Variants in NT5C3B observed in about 807,000 individuals in gnomAD.
The protein encoded by NT5C3B is 7-methylguanosine phosphate-specific 5'-nucleotidase.
In NT5C3B, 28 loss-of-function variants were observed where a neutral mutation model predicts 32.5. The ratio of observed to expected loss-of-function variants is 0.86; its 90% confidence interval spans 0.64 to 1.18. The LOEUF is 1.18. NT5C3B is among the 50% of genes most tolerant of loss of function. The pLI is 0.00. For synonymous variants in NT5C3B, 138 were observed against 118.0 expected, an observed-to-expected ratio of 1.17 and a Z score of -1.10; for missense variants, 317 against 322.0, an observed-to-expected ratio of 0.98 and a Z score of 0.12.
chr17:41,826,957 G>A (rs996328845), intron 8 of NT5C3B, among the ~76,000 whole-genome samples: 8 of 148,440 alleles, frequency 5.4e-5, no homozygotes, highest in Non-Finnish European at 1.2e-4. Context: ...CCAAGATGGC[G>A]CCACTGCACT....
intron 4 of NT5C3B, 78 bp downstream of exon 4, chr17:41,834,992 G>C: frequency 1.4e-6 from 2 of 1,391,392 alleles, no homozygotes; most frequent in Non-Finnish European, 2.0e-6. Context: ...CTCTATACTG[G>C]AATCTTTGGT....
In NT5C3B at chr17:41,830,874, T is replaced by C; in HGVS notation, c.331A>G (p.Asn111Asp). ...TGAATCTTCTGCTGACATAGGAGAT[T>C]GTGTGCTTTGGTCCACCTAGAAACA... ...HMVEWWTKAH[N>D]LLCQQKIQKF... Residue 111 changes from asparagine (N) to aspartate (D), a missense_variant, in exon 6 of 9, where the codon AAT (asparagine) becomes GAT (aspartate). Asn to Asp is a conservative substitution (Grantham distance 23, BLOSUM62 1). Transcript: ENST00000435506. The C allele has an allele frequency of 6.2e-7, 1 of 1,608,392 alleles. No homozygotes were observed. The highest frequency in any genetic ancestry group is 8.5e-7 in the Non-Finnish European group (1 of 1,177,154).
chr17:41,828,030 T>C (rs2047994429), intron 7 of NT5C3B, among the ~76,000 whole-genome samples: 1 of 152,230 alleles, frequency 6.6e-6, no homozygotes, highest in South Asian at 2.1e-4. Context: ...GAAGCTGTGA[T>C]ATAAATGCCA....
chr17:41,835,464 G>A, intron 2 of NT5C3B, 192 bp from the exon 3 acceptor site: 3 of 645,622 alleles, frequency 4.6e-6, no homozygotes, highest in Non-Finnish European at 2.8e-6. Context: ...TTAACCCTGA[G>A]GAAAACGCAG....
At position 41,827,162 on chromosome 17, in the gene NT5C3B, C is replaced by T. The variant is rs544059870; in HGVS notation, c.768+264G>A. Among the ~76,000 whole-genome samples, 5 of 151,778 alleles carry T rather than the reference C, an allele frequency of 3.3e-5. No individual in the cohort carries two copies. In the South Asian group the frequency reaches 1.0e-3, roughly 32 times the overall value. On this transcript the variant is annotated intron_variant, in intron 8 of 8. Coordinates refer to ENST00000435506, the MANE Select transcript of NT5C3B (RefSeq NM_052935.5). ...TCTACTAAAAATACAAAAAATCAGC[C>T]GGGAGTGGTGGCGGGTGCCTGTAGT...
rs1239625762 is a variant in NT5C3B, at chr17:41,827,303, A to AAAAAT, written c.768+118_768+122dup. ...GACAGAGTGAGACCCCGTCTCAAAAAAAAATAAAATAAAATAAAATAAAAA... is the reference window on the plus strand; with the variant it reads ...GACAGAGTGAGACCCCGTCTCAAAAAAAAATAAAATAAAATAAAATAAAATAAAAA... On this transcript the variant is annotated intron_variant, in intron 8 of 8. Transcript: ENST00000435506. 1.1e-4 allele frequency: 50 copies of AAAAAT among 446,522 alleles called. No individual in the cohort carries two copies. The South Asian group carries it at 1.1e-3, about 10-fold the overall frequency. The allele number at this position is 446,522 out of a possible 1,614,324, so 27.7% of individuals were successfully genotyped here. A position where few individuals can be genotyped will look rare whatever the true frequency, so the allele number is the denominator to read the frequency against.
intron 7 of NT5C3B, 77 bp downstream of exon 7, chr17:41,828,713 G>T (rs781865125): frequency 3.4e-5 from 45 of 1,332,132 alleles, no homozygotes; most frequent in Non-Finnish European, 4.7e-5. Flanking sequence ...CCAGGTTAGG[G>T]TTCATGCAGA....
At chr17:41,827,393 C>A in intron 8 of NT5C3B, 33 bp downstream of exon 8, 2 of 861,732 alleles carry the variant, frequency 2.3e-6, no homozygotes, top group Non-Finnish European at 4.0e-6. Flanking sequence ...AGAAGAAAGA[C>A]ATGAAGAGAA....
intron 4 of NT5C3B, chr17:41,832,701 C>A: frequency 2.9e-6 from 1 of 345,646 alleles, no homozygotes; most frequent in South Asian, 3.1e-5. Context: ...AACCCTGTCT[C>A]TACTAAAAAA....
At chr17:41,834,929 A>G in intron 4 of NT5C3B, 141 bp downstream of exon 4, 1 of 781,090 alleles carries the variant, frequency 1.3e-6, no homozygotes, top group Non-Finnish European at 2.1e-6. Flanking sequence ...ATGTATTAAA[A>G]CTAGACCCTC....
rs782230952 is a variant in NT5C3B at position 41,830,907 on chromosome 17, C to G, written c.315-17G>C. 6 of 1,467,910 alleles carry G rather than the reference C, an allele frequency of 4.1e-6. 1 individual carries two copies. In the South Asian group the frequency reaches 6.9e-5, roughly 17 times the overall value. 90.9% of individuals were successfully genotyped at this position (1,467,910 alleles called of 1,614,324 possible). On this transcript the variant is annotated splice_polypyrimidine_tract_variant and intron_variant, in intron 5 of 8. Transcript: ENST00000435506. ...TTGGTCCACCTAGAAACAGACACCCCAGAAAACCCCAAATTCAAATCACTG... is the reference window on the plus strand; with the variant it reads ...TTGGTCCACCTAGAAACAGACACCCGAGAAAACCCCAAATTCAAATCACTG...
chr17:41,835,233 A>G lies in NT5C3B; in HGVS notation c.151T>C (p.Tyr51His). The G allele has an allele frequency of 6.2e-7, 1 of 1,614,208 alleles. No homozygotes were observed. The highest frequency in any genetic ancestry group is 8.5e-7 in the Non-Finnish European group (1 of 1,180,032). ...DFDMTLSRFAYNGKRCPSSYN... is the reference protein window; with the variant it reads ...DFDMTLSRFAHNGKRCPSSYN... Reference sequence around the variant, plus strand: ...GAAGAAGGGCATCGCTTTCCATTATATGCAAACCTGCTCAAGGTCATGTCA... The same window carrying G: ...GAAGAAGGGCATCGCTTTCCATTATGTGCAAACCTGCTCAAGGTCATGTCA... Residue 51 changes from tyrosine (Y) to histidine (H), a missense_variant, in exon 3 of 9, where the codon TAT becomes CAT. By Grantham distance (83) the Tyr-to-His change is moderately conservative. Transcript: ENST00000435506.
chr17:41,825,398 A>C lies in NT5C3B; in HGVS notation c.*125T>G, dbSNP rs550953695. 3 of 672,926 alleles carry C rather than the reference A, an allele frequency of 4.5e-6. No homozygotes were observed. The African/African-American group carries it at 5.4e-5, about 12-fold the overall frequency. The allele number at this position is 672,926 out of a possible 1,614,324, so 41.7% of individuals were successfully genotyped here. ...AAGGTGCTCAGGGAAAGGAGGACGG[A>C]GGGGCGCGGAAGGACCCAGCCACTG... On this transcript the variant is annotated 3_prime_UTR_variant, in exon 9 of 9. Coordinates refer to ENST00000435506, the MANE Select transcript of NT5C3B (RefSeq NM_052935.5).
chr17:41,827,407 G>A lies in NT5C3B; in HGVS notation c.768+19C>T. Reference sequence around the variant, plus strand: ...GAGAAGAAAGACATGAAGAGAAGCAGCCCTGGTCCTCTACCCACCTTGTCA... The same window carrying A: ...GAGAAGAAAGACATGAAGAGAAGCAACCCTGGTCCTCTACCCACCTTGTCA... On this transcript the variant is annotated intron_variant, in intron 8 of 8. Coordinates refer to ENST00000435506, the MANE Select transcript of NT5C3B (RefSeq NM_052935.5). The A allele has an allele frequency of 1.1e-6, 1 of 870,926 alleles. No individual in the cohort carries two copies. The highest frequency in any genetic ancestry group is 2.0e-6 in the Non-Finnish European group (1 of 500,914). 53.9% of individuals were successfully genotyped at this position (870,926 alleles called of 1,614,324 possible).
rs782333805 is a variant in NT5C3B at position 41,828,828 on chromosome 17, T to G, written c.529A>C (p.Ile177Leu). ...IRQMKVFHPN[I>L]HIVSNYMDFN... ...TCCATGTAGTTAGACACGATGTGGA[T>G]GTTGGGGTGGAACACTTTCATCTGT... Residue 177 changes from isoleucine to leucine, a missense_variant, in exon 7 of 9, where the codon ATC becomes CTC. Coordinates refer to ENST00000435506, the MANE Select transcript of NT5C3B (RefSeq NM_052935.5). The G allele has an allele frequency of 6.2e-7, 1 of 1,614,020 alleles. No homozygotes were observed. The highest frequency in any genetic ancestry group is 1.7e-5 in the Admixed American group (1 of 59,990).
Position 41,825,484 on chromosome 17 carries a change from C to T in NT5C3B, c.*39G>A, listed in dbSNP as rs1555617982. The stretch of plus-strand genomic sequence containing the variant: ...GAGCAGACTCTGGGGAGGCGCCCCT[C>T]CTCACCACGGCCTGCAGGCCGGGCT... On this transcript the variant is annotated 3_prime_UTR_variant, in exon 9 of 9. Coordinates refer to ENST00000435506, the MANE Select transcript of NT5C3B (RefSeq NM_052935.5). 1.2e-6 allele frequency: 1 copy of T among 858,152 alleles called. No homozygotes were observed. The highest frequency in any genetic ancestry group is 2.0e-6 in the Non-Finnish European group (1 of 494,880). The allele number at this position is 858,152 out of a possible 1,614,324, so 53.2% of individuals were successfully genotyped here.
In NT5C3B at chr17:41,825,529, G is replaced by C. The variant is rs1555617996; in HGVS notation, c.897C>G (p.Gly299=). Residue 299 remains glycine, a synonymous_variant, in exon 9 of 9, where the codon GGC becomes GGG. Transcript: ENST00000435506. ...LCQGVQLEMQ[G]P The stretch of plus-strand genomic sequence containing the variant: ...CGGGCTGGAGCCTGCGCCTTCAGGG[G>C]CCTTGCATCTCCAGCTGGACCCCCT... 2.3e-6 allele frequency: 2 copies of C among 872,382 alleles called. No homozygotes were observed. The highest frequency in any genetic ancestry group is 3.4e-5 in the Admixed American group (2 of 59,178). The allele number at this position is 872,382 out of a possible 1,614,324, so 54.0% of individuals were successfully genotyped here.
At position 41,825,634 on chromosome 17, in the gene NT5C3B, G is replaced by A. The variant is rs782637462; in HGVS notation, c.792C>T (p.Tyr264=). The change falls in exon 9 of 9, where the codon TAC becomes TAT. Residue 264 remains tyrosine, a synonymous_variant. Transcript: ENST00000435506. ...NDKVEERRER[Y]MDSYDIVLEK... is the part of the protein sequence containing the mutation. ...CCAGCACGATGTCATAGGAGTCCAT[G>A]TAGCGCTCCCGCCGCTCCTCCACCT... 9.2e-6 allele frequency: 8 copies of A among 872,738 alleles called. No individual in the cohort carries two copies. The highest frequency in any genetic ancestry group is 7.8e-5 in the South Asian group (6 of 76,544). 54.1% of individuals were successfully genotyped at this position (872,738 alleles called of 1,614,324 possible). A position where few individuals can be genotyped will look rare whatever the true frequency, so the allele number is the denominator to read the frequency against.
intron 2 of NT5C3B, chr17:41,835,561 C>A: frequency 1.4e-6 from 1 of 692,042 alleles, no homozygotes; most frequent in East Asian, 2.7e-5. Flanking sequence ...TCTACCATTA[C>A]GGCCCATCTG....
Sources: allele counts gnomAD v4.1 joint callset (sites outside exome capture counted in the v4.1 genomes callset), GRCh38; gene constraint gnomAD v4.1.1; transcripts MANE v1.5; gene names NCBI Gene and HGNC (gene_info 2026-07-23, HGNC 2026-07-21).